The following LMBRD1 variants were observed in gnomAD, a reference collection of about 807,000 sequenced individuals.
The protein encoded by LMBRD1 is lysosomal cobalamin transport escort protein LMBD1.
In LMBRD1, 64 loss-of-function variants were observed where a neutral mutation model predicts 74.8. The observed-to-expected ratio is 0.86, with a 90% CI of 0.70 to 1.05. LMBRD1 has a LOEUF of 1.05. Among genes scored for constraint, LMBRD1 ranks in the 50% least tolerant of loss-of-function variants. The pLI is 0.00. For missense variants in LMBRD1, 652 were observed against 645.9 expected (o/e 1.01, Z -0.10); for synonymous variants, 204 against 216.3 (o/e 0.94, Z 0.50).
At chr6:69,772,200 C>A (rs1765590629) in intron 3 of LMBRD1, among the ~76,000 whole-genome samples, 1 of 152,068 alleles carries the variant, frequency 6.6e-6, no homozygotes. Flanking sequence ...GGGAATTGGG[C>A]ATATAGGTGA....
intron 9 of LMBRD1, among the ~76,000 whole-genome samples, chr6:69,710,876 T>C (rs537953492): frequency 1.3e-5 from 2 of 152,282 alleles, no homozygotes; most frequent in Admixed American, 6.6e-5. Flanking sequence ...AAAACGGTTG[T>C]AACCCTTTTG....
chr6:69,736,594 T>C (rs1766983466), intron 7 of LMBRD1, among the ~76,000 whole-genome samples: 1 of 152,192 alleles, frequency 6.6e-6, no homozygotes, highest in Non-Finnish European at 1.5e-5. Context: ...ACTGAATTTC[T>C]CTCTATTTTT....
intron 7 of LMBRD1, among the ~76,000 whole-genome samples, chr6:69,721,182 C>T (rs1419770045): frequency 6.6e-6 from 1 of 152,154 alleles, no homozygotes; most frequent in Non-Finnish European, 1.5e-5. Context: ...ACAAGGACTG[C>T]AATTCCTAGG....
chr6:69,715,566 A>G (rs912270041), intron 8 of LMBRD1, among the ~76,000 whole-genome samples: 3 of 152,136 alleles, frequency 2.0e-5, no homozygotes, highest in Non-Finnish European at 4.4e-5. Context: ...CTGGTTAAGA[A>G]AAAAAGTAAA....
intron 3 of LMBRD1, among the ~76,000 whole-genome samples, chr6:69,772,488 A>G (rs780945994): frequency 9.2e-5 from 14 of 152,198 alleles, no homozygotes; most frequent in African/African-American, 3.1e-4. Context: ...CACACTAGTT[A>G]TAAGTCCAAG....
chr6:69,738,318 T>C lies in LMBRD1; in HGVS notation c.563-303A>G, dbSNP rs117257486. Reference sequence around the variant, plus strand: ...AAAAAGAGATCAGCAAAATATCAGATGCTCAAAAGGTGATTAAAAAGATCA... The same window carrying C: ...AAAAAGAGATCAGCAAAATATCAGACGCTCAAAAGGTGATTAAAAAGATCA... On this transcript the variant is annotated intron_variant, in intron 6 of 15. Transcript: ENST00000649934. Among the ~76,000 whole-genome samples, 129 of 152,234 alleles carry C rather than the reference T, an allele frequency of 8.5e-4. No homozygotes were observed. In the East Asian group the frequency reaches 0.023, roughly 27 times the overall value.
At chr6:69,739,520 A>T (rs1262778994) in intron 6 of LMBRD1, among the ~76,000 whole-genome samples, 2 of 152,216 alleles carry the variant, frequency 1.3e-5, no homozygotes, top group Non-Finnish European at 2.9e-5. Context: ...TGAATTTCAC[A>T]ACATTATTTC....
chr6:69,713,685 C>G lies in LMBRD1; in HGVS notation c.875G>C (p.Ser292Thr). ...RERHLEFIENSWWTKFCGALR... is the reference protein window; with the variant it reads ...RERHLEFIENTWWTKFCGALR... Reference sequence around the variant, plus strand: ...AGCGCCACAAAATTTTGTCCACCAGCTGTTTTCAATGAATTCTAAATGCCT... The same window carrying G: ...AGCGCCACAAAATTTTGTCCACCAGGTGTTTTCAATGAATTCTAAATGCCT... The change falls in exon 9 of 16, where the codon AGC becomes ACC. Residue 292 changes from serine to threonine, a missense_variant. By Grantham distance (58) the Ser-to-Thr change is moderately conservative. Transcript: ENST00000649934. The G allele has an allele frequency of 5.0e-6, 8 of 1,613,676 alleles. No individual in the cohort carries two copies. The highest frequency in any genetic ancestry group is 6.8e-6 in the Non-Finnish European group (8 of 1,179,702).
Position 69,741,824 on chromosome 6 carries a change from T to G in LMBRD1, c.527A>C (p.Lys176Thr). The G allele has an allele frequency of 6.2e-7, 1 of 1,607,322 alleles. No individual in the cohort carries two copies. The highest frequency in any genetic ancestry group is 8.5e-7 in the Non-Finnish European group (1 of 1,173,988). Residue 176 changes from lysine to threonine, a missense_variant, in exon 6 of 16, where the codon AAA (lysine) becomes ACA (threonine). Physicochemically the swap from Lys to Thr is moderately conservative, Grantham distance 78. This residue lies in a region of LMBRD1 where 598 missense variants were observed against 581.8 expected (regional missense o/e 1.03). Transcript: ENST00000649934. ...AAGTTCTTCAAATAGGGACTTCACT[T>G]TTTCCCACTCTGTAGAATTTTTGTT... is the stretch of plus-strand genomic sequence containing the variant. ...PNNKNSTEWE[K>T]VKSLFEELGS... is the part of the protein sequence containing the mutation.
chr6:69,742,528 G>A (rs565282065), intron 5 of LMBRD1, among the ~76,000 whole-genome samples: 1 of 152,174 alleles, frequency 6.6e-6, no homozygotes, highest in Admixed American at 6.5e-5. Context: ...AAATAAATGT[G>A]CACTTTATTA....
intron 3 of LMBRD1, among the ~76,000 whole-genome samples, chr6:69,770,125 A>T (rs1266963497): frequency 2.6e-5 from 4 of 152,140 alleles, no homozygotes; most frequent in Non-Finnish European, 5.9e-5. Context: ...CCACAATCCC[A>T]TGCTAGTAGA....
chr6:69,692,304 A>T (rs998679553), intron 14 of LMBRD1, among the ~76,000 whole-genome samples: 1 of 152,008 alleles, frequency 6.6e-6, no homozygotes, highest in Non-Finnish European at 1.5e-5. Flanking sequence ...CTCTCTCTAC[A>T]TATATACAGT....
rs58752736 is a variant in LMBRD1, at chr6:69,711,897, C to T, written c.915+1748G>A. 4.0e-3 allele frequency among the ~76,000 whole-genome samples: 611 copies of T among 152,014 alleles called. 3 individuals are homozygous for T. Among genetic ancestry groups the T allele is most frequent in the African/African-American group, 0.013 (551 of 41,486 alleles). On this transcript the variant is annotated intron_variant, in intron 9 of 15. Coordinates refer to ENST00000649934, the MANE Select transcript of LMBRD1 (RefSeq NM_018368.4). Reference sequence around the variant, plus strand: ...CAGGTTTGCTACATAGGTAAACTTGCGTCATGGGGGTTGTTGTACAGATTA... The same window carrying T: ...CAGGTTTGCTACATAGGTAAACTTGTGTCATGGGGGTTGTTGTACAGATTA...
chr6:69,772,591 TA>T (rs1765598269), intron 3 of LMBRD1, among the ~76,000 whole-genome samples: 1 of 152,064 alleles, frequency 6.6e-6, no homozygotes, highest in African/African-American at 2.4e-5. Context: ...TGAGCAAACT[TA>T]ACAGAAACCA....
At chr6:69,747,151 G>A (rs1477216200) in intron 5 of LMBRD1, among the ~76,000 whole-genome samples, 1 of 152,056 alleles carries the variant, frequency 6.6e-6, no homozygotes, top group Non-Finnish European at 1.5e-5. Flanking sequence ...GGGAATTAGT[G>A]TTAAATGAAG....
intron 8 of LMBRD1, 57 bp downstream of exon 8, chr6:69,718,899 G>A: frequency 7.6e-6 from 12 of 1,583,658 alleles, no homozygotes; most frequent in Non-Finnish European, 1.0e-5. Flanking sequence ...ATATCAGAAA[G>A]CAGCTCTAAG....
intron 3 of LMBRD1, among the ~76,000 whole-genome samples, chr6:69,771,271 C>A (rs756397861): frequency 5.3e-5 from 8 of 152,168 alleles, no homozygotes; most frequent in Non-Finnish European, 7.4e-5. Context: ...TCACTCACTG[C>A]GTTTTTGGCA....
intron 14 of LMBRD1, among the ~76,000 whole-genome samples, chr6:69,677,464 G>C (rs1009517193): frequency 6.6e-6 from 1 of 152,096 alleles, no homozygotes; most frequent in African/African-American, 2.4e-5. Context: ...TGACATGGTT[G>C]GGGGAAGAGA....
chr6:69,788,574 CATA>C (rs1266976508), intron 2 of LMBRD1, among the ~76,000 whole-genome samples: 2 of 150,818 alleles, frequency 1.3e-5, no homozygotes, highest in South Asian at 2.1e-4. Context: ...AAAATGACCT[CATA>C]ATGTTACAAT....
Sources: gnomAD v4.1 joint callset for allele counts (sites outside exome capture counted in the v4.1 genomes callset) on GRCh38, gnomAD v4.1.1 for gene constraint, gnomAD v4.1.1 regional missense constraint, MANE v1.5 for transcripts, NCBI Gene and HGNC (gene_info 2026-07-23, HGNC 2026-07-21) for gene names.